The following GLRA3 variants were observed in gnomAD, a reference collection of about 807,000 sequenced individuals.
The protein encoded by GLRA3 is glycine receptor subunit alpha-3.
A neutral mutation model predicts 60.4 loss-of-function variants in GLRA3; 44 were observed. The observed-to-expected ratio is 0.73, with a 90% CI of 0.57 to 0.94. The LOEUF is 0.94. GLRA3 is among the 40% of genes least tolerant of loss of function. The pLI, the probability that GLRA3 is intolerant of heterozygous loss-of-function variation, is 0.00. For synonymous variants in GLRA3, 223 were observed against 192.9 expected (o/e 1.16, Z -1.29); for missense variants, 508 against 564.6 (o/e 0.90, Z 1.02).
At chr4:174,811,035 T>C (rs1012261623) in intron 1 of GLRA3, among the ~76,000 whole-genome samples, 2 of 152,032 alleles carry the variant, frequency 1.3e-5, no homozygotes, top group African/African-American at 4.8e-5. Flanking sequence ...TTCTAGACAA[T>C]TCATCTTTAC....
intron 7 of GLRA3, among the ~76,000 whole-genome samples, chr4:174,670,608 A>G (rs1733867081): frequency 6.6e-6 from 1 of 152,196 alleles, no homozygotes; most frequent in Non-Finnish European, 1.5e-5. Flanking sequence ...AAACAGTTTT[A>G]AAGTTTATGA....
At chr4:174,690,391 A>G (rs915758789) in intron 5 of GLRA3, among the ~76,000 whole-genome samples, 1 of 152,238 alleles carries the variant, frequency 6.6e-6, no homozygotes, top group Non-Finnish European at 1.5e-5. Context: ...TCAGGAATGG[A>G]CAATTTAGAT....
At chr4:174,712,887 A>G (rs1735768382) in intron 5 of GLRA3, 1 of 148,564 alleles carries the variant, frequency 6.7e-6, no homozygotes, top group Non-Finnish European at 1.5e-5. Flanking sequence ...ATGTATGAGT[A>G]TATATATACA....
intron 3 of GLRA3, among the ~76,000 whole-genome samples, chr4:174,745,907 C>G (rs530202389): frequency 7.2e-5 from 11 of 152,048 alleles, no homozygotes; most frequent in African/African-American, 2.4e-4. Context: ...TGCTCAACAT[C>G]ACTATCATTA....
chr4:174,764,543 ACAGACTCCGTCT>A (rs1038062600), intron 3 of GLRA3, among the ~76,000 whole-genome samples: 2 of 63,654 alleles, frequency 3.1e-5, no homozygotes, highest in African/African-American at 9.5e-5. Flanking sequence ...AGCCTGTGCG[ACAGACTCCGTCT>A]CAAAAAAAAA....
At chr4:174,675,273 C>T (rs1734071695) in intron 7 of GLRA3, among the ~76,000 whole-genome samples, 1 of 152,066 alleles carries the variant, frequency 6.6e-6, no homozygotes, top group Non-Finnish European at 1.5e-5. Context: ...AAATTAAAGC[C>T]TTTTAAAAAT....
At chr4:174,747,175 T>C (rs1281477613) in intron 3 of GLRA3, among the ~76,000 whole-genome samples, 1 of 152,094 alleles carries the variant, frequency 6.6e-6, no homozygotes, top group Non-Finnish European at 1.5e-5. Flanking sequence ...TACTCAGGAG[T>C]GGCCATGTGA....
In GLRA3 at chr4:174,637,953, G is replaced by T. The variant is rs566378316; in HGVS notation, c.*5833C>A. ...CTCATCATTGTTTAACACTTACAAT[G>T]CTCTCATGAATGGTTTAAATAAGAA... is the stretch of plus-strand genomic sequence containing the variant. On this transcript the variant is annotated 3_prime_UTR_variant, in exon 10 of 10. Transcript: ENST00000274093. The T allele has an allele frequency of 3.0e-4, 46 of 151,534 alleles. No individual in the cohort carries two copies. Among genetic ancestry groups the T allele is most frequent in the Middle Eastern group, 3.4e-3 (1 of 294 alleles). The allele number at this position is 151,534 out of a possible 1,614,324, so 9.4% of individuals were successfully genotyped here.
At chr4:174,715,306 C>T (rs1219532830) in intron 5 of GLRA3, among the ~76,000 whole-genome samples, 182 bp downstream of exon 5, 4 of 152,104 alleles carry the variant, frequency 2.6e-5, no homozygotes, top group African/African-American at 7.2e-5. Flanking sequence ...GTTTCTTTCT[C>T]ATAGTGTGGA....
At chr4:174,762,681 G>A (rs765452142) in intron 3 of GLRA3, among the ~76,000 whole-genome samples, 33 of 152,210 alleles carry the variant, frequency 2.2e-4, no homozygotes, top group Admixed American at 1.6e-3. Context: ...CACACTTGGC[G>A]TGTTAAATTT....
intron 1 of GLRA3, among the ~76,000 whole-genome samples, chr4:174,798,232 G>C (rs1160277196): frequency 6.6e-6 from 1 of 152,126 alleles, no homozygotes; most frequent in South Asian, 2.1e-4. Context: ...AAGCAGGGAA[G>C]GTTTAGGGTA....
At chr4:174,678,573 AG>A (rs1734217621) in intron 6 of GLRA3, among the ~76,000 whole-genome samples, 2 of 152,342 alleles carry the variant, frequency 1.3e-5, no homozygotes, top group South Asian at 4.1e-4. Context: ...GGTGATGCAC[AG>A]GCACTATATC....
At chr4:174,652,070 T>C (rs1057297072) in intron 9 of GLRA3, among the ~76,000 whole-genome samples, 4 of 152,106 alleles carry the variant, frequency 2.6e-5, no homozygotes, top group African/African-American at 9.7e-5. Context: ...GAAGCTTTTC[T>C]ATCAGCTTAT....
At chr4:174,740,061 C>A (rs1253515732) in intron 3 of GLRA3, among the ~76,000 whole-genome samples, 3 of 152,056 alleles carry the variant, frequency 2.0e-5, no homozygotes, top group South Asian at 4.2e-4. Flanking sequence ...GTCTTTTGAT[C>A]GAGAGGAATC....
intron 7 of GLRA3, among the ~76,000 whole-genome samples, chr4:174,670,990 C>G (rs924366974): frequency 4.0e-5 from 6 of 151,628 alleles, no homozygotes; most frequent in South Asian, 4.2e-4. Context: ...ATTTCATTTT[C>G]TGGGCCTTTT....
At chr4:174,819,406 T>G (rs961883271) in intron 1 of GLRA3, among the ~76,000 whole-genome samples, 1 of 152,152 alleles carries the variant, frequency 6.6e-6, no homozygotes, top group African/African-American at 2.4e-5. Flanking sequence ...TGTGGAAATA[T>G]CTCCATGAAG....
At chr4:174,732,150 A>T (rs1736573040) in intron 3 of GLRA3, among the ~76,000 whole-genome samples, 2 of 152,140 alleles carry the variant, frequency 1.3e-5, no homozygotes, top group African/African-American at 4.8e-5. Flanking sequence ...AGGTCAAGAG[A>T]CAGAGACCAT....
At chr4:174,669,886 A>G (rs1327554960) in intron 7 of GLRA3, among the ~76,000 whole-genome samples, 1 of 152,196 alleles carries the variant, frequency 6.6e-6, no homozygotes, top group Non-Finnish European at 1.5e-5. Flanking sequence ...TTTTTACTTC[A>G]TGAGATAAAA....
chr4:174,692,610 C>T (rs1734895017), intron 5 of GLRA3, among the ~76,000 whole-genome samples: 1 of 150,984 alleles, frequency 6.6e-6, no homozygotes, highest in South Asian at 2.1e-4. Flanking sequence ...AATTCTTCTG[C>T]CTTGTGATCC....
Sources: allele counts gnomAD v4.1 joint callset (sites outside exome capture counted in the v4.1 genomes callset), GRCh38; gene constraint gnomAD v4.1.1; transcripts MANE v1.5; gene names NCBI Gene and HGNC (gene_info 2026-07-23, HGNC 2026-07-21).